MRAP2: variants seen among roughly 807,000 people sequenced by gnomAD.
The protein encoded by MRAP2 is melanocortin-2 receptor accessory protein 2.
A neutral mutation model predicts 17.4 loss-of-function variants in MRAP2; 20 were observed. The ratio of observed to expected loss-of-function variants is 1.15; its 90% CI spans 0.81 to 1.67. MRAP2 has a LOEUF of 1.67. MRAP2 is among the 40% of genes most tolerant of loss of function. The probability of loss-of-function intolerance (pLI) is 0.00; values close to 1 mark genes in which losing one functional copy is unlikely to be tolerated. For missense variants in MRAP2, 238 were observed against 240.0 expected (o/e 0.99, Z 0.05); for synonymous variants, 96 against 88.4 (o/e 1.09, Z -0.48).
the MRAP2 span, among the ~76,000 whole-genome samples, chr6:84,101,969 G>A: frequency 6.6e-6 from 1 of 152,258 alleles, no homozygotes; most frequent in East Asian, 1.9e-4. Context: ...TGAACACACA[G>A]GGGATGTGTG....
the MRAP2 span, among the ~76,000 whole-genome samples, chr6:84,122,600 A>G: frequency 1.1e-4 from 16 of 152,280 alleles, no homozygotes; most frequent in East Asian, 2.9e-3. Context: ...AAAGCCATAT[A>G]TTACAAACCT....
At chr6:84,137,748 A>G in the MRAP2 span, among the ~76,000 whole-genome samples, 1 of 152,170 alleles carries the variant, frequency 6.6e-6, no homozygotes, top group Non-Finnish European at 1.5e-5. Context: ...GTGGAACAAT[A>G]GATTGAAAAA....
At position 84,089,014 on chromosome 6, in the gene MRAP2, C is replaced by T; in HGVS notation, c.228-77C>T. On this transcript the variant is annotated intron_variant, in intron 3 of 3. Transcript: ENST00000257776. ...CTTAGTGGAAATGTGCTGGCCTGCC[C>T]TACGTGCAGAAAACCATGATTCTGC... 2.7e-6 allele frequency: 4 copies of T among 1,499,876 alleles called. No individual in the cohort carries two copies. In the South Asian group the frequency reaches 4.0e-5, roughly 15 times the overall value. The allele number at this position is 1,499,876 out of a possible 1,614,324, so 92.9% of individuals were successfully genotyped here.
downstream of MRAP2, among the ~76,000 whole-genome samples, chr6:84,095,427 G>T (rs757936600): frequency 2.0e-5 from 3 of 152,118 alleles, no homozygotes; most frequent in Non-Finnish European, 4.4e-5. Context: ...AACCTAAAAT[G>T]ATCAAAGAGT....
chr6:84,117,497 T>A, the MRAP2 span, among the ~76,000 whole-genome samples: 1 of 150,500 alleles, frequency 6.6e-6, no homozygotes, highest in Non-Finnish European at 1.5e-5. Context: ...GTCCTGGGCT[T>A]TTTTTTTTGG....
the MRAP2 span, among the ~76,000 whole-genome samples, chr6:84,110,480 A>C: frequency 1.3e-5 from 2 of 152,254 alleles, no homozygotes; most frequent in Non-Finnish European, 1.5e-5. Flanking sequence ...TCTGGATATT[A>C]GCCCTTTTTC....
intron 1 of MRAP2, among the ~76,000 whole-genome samples, 163 bp downstream of exon 1, chr6:84,034,046 G>T (rs939757577): frequency 3.9e-5 from 6 of 152,242 alleles, no homozygotes; most frequent in East Asian, 1.9e-4. Flanking sequence ...TGGGGTGTGA[G>T]GACGCCCACG....
intron 3 of MRAP2, among the ~76,000 whole-genome samples, chr6:84,072,670 C>T (rs765686977): frequency 1.1e-4 from 17 of 152,258 alleles, no homozygotes; most frequent in Admixed American, 1.3e-4. Flanking sequence ...TTAGCTACCA[C>T]GGTGGATAGG....
chr6:84,138,487 C>A, the MRAP2 span, among the ~76,000 whole-genome samples: 3 of 152,140 alleles, frequency 2.0e-5, no homozygotes, highest in Admixed American at 1.3e-4. Flanking sequence ...TCAAACTAGT[C>A]TTGTCAAAAC....
chr6:84,066,351 G>A (rs565224572), intron 3 of MRAP2, among the ~76,000 whole-genome samples: 3 of 152,254 alleles, frequency 2.0e-5, no homozygotes, highest in African/African-American at 7.2e-5. Context: ...TATAAGATAT[G>A]GCATTTGGTT....
In MRAP2 at chr6:84,061,399, A is replaced by G. The variant is rs184359044; in HGVS notation, c.128-1494A>G. 3.9e-5 allele frequency among the ~76,000 whole-genome samples: 6 copies of G among 152,354 alleles called. No homozygotes were observed. In the East Asian group the frequency reaches 1.2e-3, roughly 29 times the overall value. On this transcript the variant is annotated intron_variant, in intron 2 of 3. Coordinates refer to ENST00000257776, the MANE Select transcript of MRAP2 (RefSeq NM_138409.4). ...CCTAGATTTGAGGCCTTATTGTGCAAGTACCAAGTTCTGTAGACAATCCAA... is the reference window on the plus strand; with the variant it reads ...CCTAGATTTGAGGCCTTATTGTGCAGGTACCAAGTTCTGTAGACAATCCAA...
At chr6:84,097,402 C>T in the MRAP2 span, among the ~76,000 whole-genome samples, 1 of 152,116 alleles carries the variant, frequency 6.6e-6, no homozygotes, top group South Asian at 2.1e-4. Flanking sequence ...TTCCTTCATG[C>T]TTAGCTCTAT....
intron 3 of MRAP2, among the ~76,000 whole-genome samples, chr6:84,088,610 A>G (rs1436548553): frequency 6.6e-6 from 1 of 152,184 alleles, no homozygotes; most frequent in Admixed American, 6.5e-5. Flanking sequence ...TATTTAATGT[A>G]CCCCTATGAG....
intron 3 of MRAP2, among the ~76,000 whole-genome samples, chr6:84,064,817 A>G (rs1051437267): frequency 6.6e-6 from 1 of 151,954 alleles, no homozygotes; most frequent in Non-Finnish European, 1.5e-5. Flanking sequence ...TCAGTATCTC[A>G]TTTTTGCCTC....
the MRAP2 span, among the ~76,000 whole-genome samples, chr6:84,141,446 G>C: frequency 2.0e-5 from 3 of 151,986 alleles, no homozygotes; most frequent in Non-Finnish European, 4.4e-5. Flanking sequence ...CCTACCTATA[G>C]TCTCCTTTAC....
At chr6:84,121,575 C>T in the MRAP2 span, among the ~76,000 whole-genome samples, 32 of 151,830 alleles carry the variant, frequency 2.1e-4, no homozygotes, top group Non-Finnish European at 2.6e-4. Context: ...ACCCAGGAGG[C>T]GGAGGTTGTA....
chr6:84,107,670 C>T, the MRAP2 span, among the ~76,000 whole-genome samples: 2 of 151,862 alleles, frequency 1.3e-5, no homozygotes, highest in Non-Finnish European at 2.9e-5. Context: ...AACTGTGATA[C>T]AGTGCTGGAG....
chr6:84,144,583 T>C, the MRAP2 span, among the ~76,000 whole-genome samples: 1 of 152,118 alleles, frequency 6.6e-6, no homozygotes, highest in Middle Eastern at 3.2e-3. Flanking sequence ...GAAAGCACTC[T>C]GACAAATACA....
At chr6:84,140,360 G>A in the MRAP2 span, among the ~76,000 whole-genome samples, 4 of 152,144 alleles carry the variant, frequency 2.6e-5, no homozygotes, top group Admixed American at 2.0e-4. Context: ...TGGGAGGCTT[G>A]AAACACCATT....
Sources: allele counts gnomAD v4.1 joint callset (sites outside exome capture counted in the v4.1 genomes callset), GRCh38; gene constraint gnomAD v4.1.1; transcripts MANE v1.5; gene names NCBI Gene and HGNC (gene_info 2026-07-23, HGNC 2026-07-21).